Variants in ALDH4A1 observed in about 807,000 individuals in gnomAD.
The protein encoded by ALDH4A1 is delta-1-pyrroline-5-carboxylate dehydrogenase, mitochondrial.
Under a neutral mutation model 70.5 loss-of-function variants are expected in ALDH4A1, and 46 were observed. That is an observed-to-expected ratio of 0.65 (90% confidence interval 0.51 to 0.83). ALDH4A1 has a LOEUF of 0.83. Ranked by LOEUF, ALDH4A1 falls within the 40% of genes least tolerant of loss-of-function variation. The pLI is 0.00. For synonymous variants in ALDH4A1, 323 were observed against 324.3 expected (o/e 1.00, Z 0.04); for missense variants, 749 against 766.5 (o/e 0.98, Z 0.27).
In ALDH4A1 at chr1:18,902,451, T is replaced by C; in HGVS notation, c.62+11A>G. On this transcript the variant is annotated intron_variant, in intron 1 of 14. Transcript: ENST00000375341. ...CGCGCTCGGGCCGCCCCGGGCCCCG[T>C]GCTCACTCACCCGGCCCCGGTCCAG... is the stretch of plus-strand genomic sequence containing the variant. 3 of 1,363,266 alleles carry C rather than the reference T, an allele frequency of 2.2e-6. No individual in the cohort carries two copies. Among genetic ancestry groups the C allele is most frequent in the Non-Finnish European group, 2.8e-6 (3 of 1,059,684 alleles). The allele number at this position is 1,363,266 out of a possible 1,614,324, so 84.4% of individuals were successfully genotyped here. A position where few individuals can be genotyped will look rare whatever the true frequency, so the allele number is the denominator to read the frequency against.
chr1:18,895,255 C>T (rs1287668895), intron 1 of ALDH4A1, among the ~76,000 whole-genome samples: 1 of 152,226 alleles, frequency 6.6e-6, no homozygotes, highest in Admixed American at 6.5e-5. Context: ...GAATCTGACT[C>T]AGGTTTCCCT....
intron 8 of ALDH4A1, among the ~76,000 whole-genome samples, chr1:18,881,327 C>G (rs1934956011): frequency 6.6e-6 from 1 of 152,178 alleles, no homozygotes. Flanking sequence ...TAGATGTCAC[C>G]TCCTCCAGGA....
At chr1:18,902,416 G>GC (rs1347967787) in intron 1 of ALDH4A1, 46 bp downstream of exon 1, 1 of 1,299,946 alleles carries the variant, frequency 7.7e-7, no homozygotes, top group South Asian at 2.1e-5. Flanking sequence ...AGGCTCCCGG[G>GC]CCCCAGGCGC....
rs150413209 is a variant in ALDH4A1 at position 18,883,286 on chromosome 1, C to G, written c.596G>C (p.Gly199Ala). Reference sequence around the variant, plus strand: ...ACTGCCTCCTGCAGGTACCTCCAGACCCCGGTACACCGTGCTGTTGGTGCT... The same window carrying G: ...ACTGCCTCCTGCAGGTACCTCCAGAGCCCGGTACACCGTGCTGTTGGTGCT... ...PPSTNSTVYR[G>A]LEGFVAAISP... The change falls in exon 6 of 15, where the codon GGT becomes GCT. Residue 199 changes from glycine to alanine, a missense_variant. Physicochemically the swap from Gly to Ala is moderately conservative, Grantham distance 60. Coordinates refer to ENST00000375341, the MANE Select transcript of ALDH4A1 (RefSeq NM_003748.4). 16 of 1,613,266 alleles carry G rather than the reference C, an allele frequency of 9.9e-6. No homozygotes were observed. In the East Asian group the frequency reaches 3.6e-4, roughly 36 times the overall value.
At chr1:18,894,865 C>CTTTTTTTTTTTTTTTT (rs34445898) in intron 1 of ALDH4A1, among the ~76,000 whole-genome samples, 3 of 109,968 alleles carry the variant, frequency 2.7e-5, no homozygotes, top group East Asian at 2.6e-4. Flanking sequence ...TTCTTTCTTT[C>CTTTTTTTTTTTTTTTT]TTTTTTTTTT....
intron 11 of ALDH4A1, among the ~76,000 whole-genome samples, chr1:18,876,679 G>GTGTGTGTGTGTGTGTGTGTGTGTGTA (rs1934702749): frequency 6.6e-6 from 1 of 152,054 alleles, no homozygotes; most frequent in Non-Finnish European, 1.5e-5. Context: ...GTGTGTGTGT[G>GTGTGTGTGTGTGTGTGTGTGTGTGTA]TACACACACA....
chr1:18,891,742 A>T (rs929416688), intron 1 of ALDH4A1, among the ~76,000 whole-genome samples: 16 of 152,174 alleles, frequency 1.1e-4, no homozygotes, highest in Non-Finnish European at 1.9e-4. Context: ...AATCATGAAG[A>T]GAAGGCCCGG....
At position 18,874,499 on chromosome 1, in the gene ALDH4A1, C is replaced by T; in HGVS notation, c.1543G>A (p.Val515Met). The change falls in exon 14 of 15, where the codon GTG (valine) becomes ATG (methionine). Residue 515 changes from valine to methionine, a missense_variant. Val to Met is a conservative substitution (Grantham distance 21). Transcript: ENST00000375341. ...GCCCCCCCAAAGGGCTGCTGGCCCA[C>T]TATCGAGCCAGTGGACTTGTCGTTG... ...YINDKSTGSI[V>M]GQQPFGGARA... The T allele has an allele frequency of 6.2e-7, 1 of 1,614,202 alleles. No individual in the cohort carries two copies. The highest frequency in any genetic ancestry group is 8.5e-7 in the Non-Finnish European group (1 of 1,180,042).
Position 18,901,565 on chromosome 1 carries a change from T to C in ALDH4A1, c.62+897A>G, listed in dbSNP as rs368174946. Among the ~76,000 whole-genome samples the C allele has an allele frequency of 1.3e-5, 2 of 152,286 alleles. 1 individual carries two copies. ...GGAGGGGCTCTGAGAATATTTGTCATTGAGTGGGCAAGGGTCCAGGCACCT... is the reference window on the plus strand; with the variant it reads ...GGAGGGGCTCTGAGAATATTTGTCACTGAGTGGGCAAGGGTCCAGGCACCT... On this transcript the variant is annotated intron_variant, in intron 1 of 14. Coordinates refer to ENST00000375341, the MANE Select transcript of ALDH4A1 (RefSeq NM_003748.4).
In ALDH4A1 at chr1:18,879,347, A is replaced by G; in HGVS notation, c.893T>C (p.Val298Ala). Residue 298 changes from valine to alanine, a missense_variant, in exon 9 of 15, where the codon GTG (valine) becomes GCG (alanine). Transcript: ENST00000375341. The stretch of plus-strand genomic sequence containing the variant: ...GTGGAACCGGTCCAGGTTCTGGGCC[A>G]CCTGCTTCCACAGGTGTTTGAAGGT... Reference protein sequence around the residue: ...VPTFKHLWKQVAQNLDRFHTF... With the variant: ...VPTFKHLWKQAAQNLDRFHTF... 6.2e-7 allele frequency: 1 copy of G among 1,611,374 alleles called. No homozygotes were observed. Among genetic ancestry groups the G allele is most frequent in the Non-Finnish European group, 8.5e-7 (1 of 1,178,992 alleles).
At chr1:18,888,048 G>A (rs952668857) in intron 3 of ALDH4A1, among the ~76,000 whole-genome samples, 2 of 152,144 alleles carry the variant, frequency 1.3e-5, no homozygotes, top group Non-Finnish European at 2.9e-5. Context: ...CTTCTGGTGG[G>A]TTATTGGAGC....
chr1:18,894,586 C>T (rs1935552146), intron 1 of ALDH4A1, among the ~76,000 whole-genome samples: 1 of 152,188 alleles, frequency 6.6e-6, no homozygotes, highest in South Asian at 2.1e-4. Context: ...CTCCTTTCTC[C>T]GTTCCCTCCC....
At chr1:18,900,040 G>A (rs1365313817) in intron 1 of ALDH4A1, among the ~76,000 whole-genome samples, 1 of 152,138 alleles carries the variant, frequency 6.6e-6, no homozygotes, top group East Asian at 1.9e-4. Flanking sequence ...GAAAGTTAAA[G>A]GACATGAATC....
intron 9 of ALDH4A1, among the ~76,000 whole-genome samples, chr1:18,878,186 T>A (rs1934807800): frequency 6.6e-6 from 1 of 152,186 alleles, no homozygotes; most frequent in Non-Finnish European, 1.5e-5. Flanking sequence ...TGAAAGCACT[T>A]AACAGCTGCC....
chr1:18,875,788 C>T (rs28594104), intron 12 of ALDH4A1, among the ~76,000 whole-genome samples: 11,126 of 152,238 alleles, frequency 0.073, 889 homozygotes, highest in African/African-American at 0.2. Context: ...GGGTCCAGGT[C>T]CCAGAGGCTT....
intron 5 of ALDH4A1, 28 bp downstream of exon 5, chr1:18,885,445 C>CCCCCCCCCCG: frequency 1.1e-6 from 1 of 951,066 alleles, no homozygotes; most frequent in Non-Finnish European, 1.6e-6. Flanking sequence ...CACCCCGCCC[C>CCCCCCCCCCG]ACCCACCCGG....
chr1:18,890,996 G>T, intron 1 of ALDH4A1: 1 of 622,814 alleles, frequency 1.6e-6, no homozygotes, highest in Non-Finnish European at 2.0e-6. Flanking sequence ...CTGGCCCTGG[G>T]GGTGAGGTGC....
chr1:18,877,742 AGGCT>A, intron 9 of ALDH4A1, 130 bp from the exon 10 acceptor site: 1 of 1,142,734 alleles, frequency 8.8e-7, no homozygotes, highest in Non-Finnish European at 1.2e-6. Flanking sequence ...GAGCGGGCGG[AGGCT>A]CAGAGTGAGC....
chr1:18,900,280 A>G (rs1935756281), intron 1 of ALDH4A1, among the ~76,000 whole-genome samples: 1 of 152,230 alleles, frequency 6.6e-6, no homozygotes, highest in African/African-American at 2.4e-5. Context: ...TCAGGACTAG[A>G]GTTTTACACG....
Sources: gnomAD v4.1 joint callset for allele counts (sites outside exome capture counted in the v4.1 genomes callset) on GRCh38, gnomAD v4.1.1 for gene constraint, MANE v1.5 for transcripts, NCBI Gene and HGNC (gene_info 2026-07-23, HGNC 2026-07-21) for gene names.